The following STK32B variants were observed in gnomAD, a reference collection of about 807,000 sequenced individuals.
STK32B encodes serine/threonine kinase 32B.
In STK32B, 43 loss-of-function variants were observed where a neutral mutation model predicts 52.6. The ratio of observed to expected loss-of-function variants is 0.82; its 90% confidence interval spans 0.64 to 1.05. The LOEUF (loss-of-function observed/expected upper bound fraction) is 1.05. STK32B is among the 50% of genes least tolerant of loss of function. The pLI is 0.00. For synonymous variants in STK32B, 238 were observed against 204.3 expected (o/e 1.17, Z -1.41); for missense variants, 621 against 534.6 (o/e 1.16, Z -1.59).
chr4:5,328,727 G>T (rs1322252021), intron 3 of STK32B, among the ~76,000 whole-genome samples: 1 of 152,192 alleles, frequency 6.6e-6, no homozygotes, highest in Non-Finnish European at 1.5e-5. Flanking sequence ...ACATGCTATT[G>T]GAAAATTGAC....
At chr4:5,166,277 G>C (rs1718864867) in intron 2 of STK32B, among the ~76,000 whole-genome samples, 1 of 151,824 alleles carries the variant, frequency 6.6e-6, no homozygotes, top group South Asian at 2.1e-4. Flanking sequence ...CAGAGAGCCT[G>C]GGTTTGAGTT....
intron 1 of STK32B, among the ~76,000 whole-genome samples, chr4:5,130,804 A>T (rs1715725108): frequency 6.6e-6 from 1 of 151,622 alleles, no homozygotes; most frequent in Non-Finnish European, 1.5e-5. Context: ...CATCCCTTCC[A>T]CTCATACTTC....
chr4:5,072,984 T>A (rs906597401), intron 1 of STK32B, among the ~76,000 whole-genome samples: 3 of 152,132 alleles, frequency 2.0e-5, no homozygotes, highest in Non-Finnish European at 4.4e-5. Flanking sequence ...AAATACTACT[T>A]GTTTTGAATT....
chr4:5,186,006 C>G (rs1313682186), intron 3 of STK32B, among the ~76,000 whole-genome samples: 1 of 152,222 alleles, frequency 6.6e-6, no homozygotes, highest in East Asian at 1.9e-4. Flanking sequence ...GCCTGGAACA[C>G]CGTCTGTTCT....
chr4:5,362,540 G>A (rs1410388542), intron 4 of STK32B, among the ~76,000 whole-genome samples: 5 of 152,184 alleles, frequency 3.3e-5, no homozygotes, highest in African/African-American at 1.2e-4. Context: ...CCTTTCTTCT[G>A]TATTGTGGAG....
At chr4:5,153,916 A>G (rs1216282338) in intron 2 of STK32B, among the ~76,000 whole-genome samples, 2 of 152,182 alleles carry the variant, frequency 1.3e-5, no homozygotes, top group African/African-American at 4.8e-5. Flanking sequence ...ATTCTCTGCA[A>G]ACTTATATAC....
chr4:5,168,680 T>C (rs895234050), intron 3 of STK32B, among the ~76,000 whole-genome samples: 7 of 152,202 alleles, frequency 4.6e-5, no homozygotes, highest in Admixed American at 1.3e-4. Context: ...GAGTTGAAAA[T>C]AAATGGAGAA....
intron 3 of STK32B, among the ~76,000 whole-genome samples, chr4:5,309,023 C>G (rs942599391): frequency 6.6e-6 from 1 of 152,012 alleles, no homozygotes; most frequent in Non-Finnish European, 1.5e-5. Flanking sequence ...CAAAAAAACT[C>G]TTATGGGTGA....
chr4:5,234,505 G>C (rs1481105513), intron 3 of STK32B, among the ~76,000 whole-genome samples: 1 of 74,098 alleles, frequency 1.3e-5, no homozygotes, highest in Non-Finnish European at 6.5e-5. Context: ...CACATAGAAA[G>C]GGCTCAATAA....
At chr4:5,253,878 A>T (rs1726118203) in intron 3 of STK32B, among the ~76,000 whole-genome samples, 1 of 152,224 alleles carries the variant, frequency 6.6e-6, no homozygotes, top group Non-Finnish European at 1.5e-5. Flanking sequence ...TACATGAAAT[A>T]ATGTATGTAA....
rs556070294 is a variant in STK32B, at chr4:5,278,579, A to G, written c.261-52641A>G. The stretch of plus-strand genomic sequence containing the variant: ...TCTAATGGACTCTAGTAAGAAAAAG[A>G]AATTCACTTGCGAATTTGAAAACCT... On this transcript the variant is annotated intron_variant, in intron 3 of 11. Transcript: ENST00000282908. 3.3e-5 allele frequency among the ~76,000 whole-genome samples: 5 copies of G among 152,358 alleles called. No individual in the cohort carries two copies. The East Asian group carries it at 7.7e-4, about 23-fold the overall frequency.
intron 2 of STK32B, among the ~76,000 whole-genome samples, chr4:5,163,032 G>A (rs1718566424): frequency 1.3e-5 from 2 of 152,194 alleles, no homozygotes; most frequent in Admixed American, 1.3e-4. Context: ...CCTGCTCTGG[G>A]CCATGTGGGA....
chr4:5,157,575 A>G (rs1717960635), intron 2 of STK32B, among the ~76,000 whole-genome samples: 2 of 152,330 alleles, frequency 1.3e-5, no homozygotes, highest in Middle Eastern at 6.8e-3. Context: ...GGAAAAGGTC[A>G]TCACAGACCA....
At chr4:5,458,871 C>T (rs1476782000) in intron 8 of STK32B, 1 of 152,242 alleles carries the variant, frequency 6.6e-6, no homozygotes, top group Non-Finnish European at 1.5e-5. Context: ...AGCCAGATCA[C>T]TCTCGCATCC....
At chr4:5,048,278 T>C (rs183257902), upstream of STK32B, among the ~76,000 whole-genome samples, 215 of 150,718 alleles carry the variant, frequency 1.4e-3, no homozygotes, top group African/African-American at 4.9e-3. Context: ...TACAGGCACA[T>C]ACCACCATGC....
chr4:5,478,960 C>T (rs1017358901), intron 11 of STK32B, among the ~76,000 whole-genome samples: 2 of 152,098 alleles, frequency 1.3e-5, no homozygotes, highest in Non-Finnish European at 2.9e-5. Flanking sequence ...CAGGCATGGG[C>T]ACCTAGGCTA....
At chr4:5,150,347 C>T (rs1277288261) in intron 2 of STK32B, among the ~76,000 whole-genome samples, 2 of 152,156 alleles carry the variant, frequency 1.3e-5, no homozygotes, top group Non-Finnish European at 2.9e-5. Context: ...TCTGGGTCAT[C>T]ATAAGATTCA....
In STK32B at chr4:5,399,859, T is replaced by C. The variant is rs1026281450; in HGVS notation, c.472+1615T>C. The stretch of plus-strand genomic sequence containing the variant: ...TAACTCGCCCTCTTCCTGTCCCCTT[T>C]CTCTGCTCAGGGCCAGGCAAGGTCA... On this transcript the variant is annotated intron_variant, in intron 5 of 11. Coordinates refer to ENST00000282908, the MANE Select transcript of STK32B (RefSeq NM_018401.3). This position sits in a 1 kb window ranked among gnomAD's most constrained non-coding sequence, Gnocchi z 5.4. 6.6e-5 allele frequency among the ~76,000 whole-genome samples: 10 copies of C among 151,992 alleles called. No homozygotes were observed. The highest frequency in any genetic ancestry group is 2.4e-4 in the African/African-American group (10 of 41,394).
At chr4:5,420,879 C>T (rs867249027) in intron 6 of STK32B, among the ~76,000 whole-genome samples, 7 of 126,544 alleles carry the variant, frequency 5.5e-5, no homozygotes, top group South Asian at 5.0e-4. Context: ...TGGAGAAGTT[C>T]GAGACAGTTT....
Sources: allele counts gnomAD v4.1 joint callset (sites outside exome capture counted in the v4.1 genomes callset), GRCh38; gene constraint gnomAD v4.1.1; non-coding constraint Gnocchi (gnomAD v3.1); transcripts MANE v1.5; gene names NCBI Gene and HGNC (gene_info 2026-07-23, HGNC 2026-07-21).